KLHL29: variants seen among roughly 807,000 people sequenced by gnomAD.
KLHL29 encodes the protein kelch like family member 29, also known as kelch-like protein 29.
In KLHL29, 21 loss-of-function variants were observed where a neutral mutation model predicts 80.4. The ratio of observed to expected loss-of-function variants is 0.26; its 90% CI spans 0.19 to 0.38. The LOEUF is 0.38. KLHL29 is among the 10% of genes least tolerant of loss of function. The probability of loss-of-function intolerance (pLI) is 1.00; values close to 1 mark genes in which losing one functional copy is unlikely to be tolerated. For synonymous variants in KLHL29, 511 were observed against 526.8 expected, an observed-to-expected ratio of 0.97 and a Z score of 0.41; for missense variants, 867 against 1,223.9, an observed-to-expected ratio of 0.71 and a Z score of 4.35.
At chr2:23,404,243 AAG>A (rs920783341) in intron 1 of KLHL29, among the ~76,000 whole-genome samples, 2 of 149,046 alleles carry the variant, frequency 1.3e-5, no homozygotes, top group African/African-American at 4.9e-5. Flanking sequence ...GGAGCAGAAA[AAG>A]AGGCAGATTC....
intron 2 of KLHL29, among the ~76,000 whole-genome samples, chr2:23,499,939 G>T (rs950047725): frequency 6.6e-6 from 1 of 152,228 alleles, no homozygotes; most frequent in Non-Finnish European, 1.5e-5. Flanking sequence ...TAGGATAGAA[G>T]GTTATTGGTT....
intron 2 of KLHL29, among the ~76,000 whole-genome samples, chr2:23,476,031 A>T (rs1486056252): frequency 1.3e-5 from 2 of 152,164 alleles, no homozygotes; most frequent in Non-Finnish European, 2.9e-5. Flanking sequence ...GGCATGTGCT[A>T]TCACGACTGG....
chr2:23,676,768 T>C (rs1029996280), intron 5 of KLHL29, among the ~76,000 whole-genome samples: 3 of 151,622 alleles, frequency 2.0e-5, no homozygotes, highest in African/African-American at 7.3e-5. Context: ...ACTTAGAGAG[T>C]TGGGGGATGC....
chr2:23,502,321 A>G (rs984741252), intron 2 of KLHL29, among the ~76,000 whole-genome samples: 1 of 152,270 alleles, frequency 6.6e-6, no homozygotes, highest in Non-Finnish European at 1.5e-5. Context: ...CTGCATAATC[A>G]GCATCGAACA....
chr2:23,452,208 G>A (rs538262046), intron 1 of KLHL29, among the ~76,000 whole-genome samples: 14 of 149,380 alleles, frequency 9.4e-5, no homozygotes, highest in Non-Finnish European at 1.6e-4. Context: ...TTTTTTTAGA[G>A]ATGGGGTCTC....
At chr2:23,472,236 C>G (rs530728543) in intron 1 of KLHL29, among the ~76,000 whole-genome samples, 12 of 152,188 alleles carry the variant, frequency 7.9e-5, no homozygotes, top group African/African-American at 2.9e-4. Flanking sequence ...AGTTAGAAAC[C>G]CTTTCAAGGA....
At chr2:23,458,105 G>T (rs148973340) in intron 1 of KLHL29, among the ~76,000 whole-genome samples, 1 of 152,218 alleles carries the variant, frequency 6.6e-6, no homozygotes, top group African/African-American at 2.4e-5. Flanking sequence ...TGCTATAGGC[G>T]TCAGTGCACG....
At chr2:23,460,345 T>C (rs1163274539) in intron 1 of KLHL29, among the ~76,000 whole-genome samples, 2 of 152,102 alleles carry the variant, frequency 1.3e-5, no homozygotes, top group Non-Finnish European at 2.9e-5. Flanking sequence ...AGGGATGATT[T>C]TGTTCCTTTC....
chr2:23,573,891 A>G (rs889827126), intron 3 of KLHL29, among the ~76,000 whole-genome samples: 1 of 152,150 alleles, frequency 6.6e-6, no homozygotes, highest in African/African-American at 2.4e-5. Flanking sequence ...TTTGCACTCC[A>G]GCCCCCGCTT....
intron 1 of KLHL29, among the ~76,000 whole-genome samples, chr2:23,467,523 T>A (rs1370138060): frequency 6.6e-6 from 1 of 152,236 alleles, no homozygotes; most frequent in Non-Finnish European, 1.5e-5. Flanking sequence ...ACAATTTTTT[T>A]TATTCTGAGA....
At chr2:23,646,527 A>G (rs1669938090) in intron 5 of KLHL29, among the ~76,000 whole-genome samples, 1 of 152,142 alleles carries the variant, frequency 6.6e-6, no homozygotes, top group Non-Finnish European at 1.5e-5. Context: ...TGTCAACCTG[A>G]GCAGGGAAAG....
intron 5 of KLHL29, among the ~76,000 whole-genome samples, chr2:23,660,166 A>G (rs2149169100): frequency 6.6e-6 from 1 of 152,196 alleles, no homozygotes. Flanking sequence ...TCTTCTCTCC[A>G]AGGTGGAGGG....
At chr2:23,456,594 G>T (rs765716583) in intron 1 of KLHL29, among the ~76,000 whole-genome samples, 3 of 152,244 alleles carry the variant, frequency 2.0e-5, no homozygotes, top group Non-Finnish European at 2.9e-5. Flanking sequence ...ACATTCTCCC[G>T]CGCCAGCTCT....
At chr2:23,516,926 A>C (rs1380628256) in intron 2 of KLHL29, among the ~76,000 whole-genome samples, 1 of 152,232 alleles carries the variant, frequency 6.6e-6, no homozygotes, top group African/African-American at 2.4e-5. Flanking sequence ...CCGCCAGCCC[A>C]TGTCTCTGAA....
intron 1 of KLHL29, among the ~76,000 whole-genome samples, chr2:23,406,609 T>G (rs1055676965): frequency 1.3e-5 from 2 of 152,186 alleles, no homozygotes; most frequent in Admixed American, 6.5e-5. Flanking sequence ...TGTAACTCTC[T>G]GGTGGATAGT....
chr2:23,504,398 G>T (rs1020753760), intron 2 of KLHL29, among the ~76,000 whole-genome samples: 1 of 152,192 alleles, frequency 6.6e-6, no homozygotes, highest in Non-Finnish European at 1.5e-5. Flanking sequence ...AGAGCTACAG[G>T]CAGGGATGTC....
rs1200747384 is a variant in KLHL29, at chr2:23,503,518, A to G, written c.-46+27851A>G. The stretch of plus-strand genomic sequence containing the variant: ...CATAGAAGTTAGTGTTGTCCTAGGG[A>G]TGGCTCCTGGTTCACGCAGGCTCCT... On this transcript the variant is annotated intron_variant, in intron 2 of 13. Coordinates refer to ENST00000486442, the MANE Select transcript of KLHL29 (RefSeq NM_052920.2). This position sits in a 1 kb window ranked among gnomAD's most constrained non-coding sequence, Gnocchi z 4.0. Among the ~76,000 whole-genome samples, 1 of 151,930 alleles carries G rather than the reference A, an allele frequency of 6.6e-6. No individual in the cohort carries two copies. The highest frequency in any genetic ancestry group is 2.4e-5 in the African/African-American group (1 of 41,342).
intron 3 of KLHL29, among the ~76,000 whole-genome samples, chr2:23,582,418 C>A (rs1485393554): frequency 1.3e-5 from 2 of 152,088 alleles, no homozygotes; most frequent in East Asian, 3.9e-4. Flanking sequence ...CAACACTGAG[C>A]CAGAAGTGGG....
intron 5 of KLHL29, among the ~76,000 whole-genome samples, chr2:23,657,626 T>C (rs1285539215): frequency 6.6e-6 from 1 of 152,216 alleles, no homozygotes; most frequent in African/African-American, 2.4e-5. Context: ...TGTGCTGATA[T>C]CAAGCTTTGA....
Sources: gnomAD v4.1 joint callset for allele counts (sites outside exome capture counted in the v4.1 genomes callset) on GRCh38, gnomAD v4.1.1 for gene constraint, Gnocchi (gnomAD v3.1) non-coding constraint, MANE v1.5 for transcripts, NCBI Gene and HGNC (gene_info 2026-07-23, HGNC 2026-07-21) for gene names.